The following DST variants were observed in gnomAD, a reference collection of about 807,000 sequenced individuals.
DST encodes bullous pemphigoid antigen.
Under a neutral mutation model 875.2 loss-of-function variants are expected in DST, and 253 were observed. The observed-to-expected ratio is 0.29, with a 90% CI of 0.26 to 0.32. The LOEUF is 0.32. Among genes scored for constraint, DST ranks in the 10% least tolerant of loss-of-function variants. The probability of loss-of-function intolerance (pLI) is 1.00; values close to 1 mark genes in which losing one functional copy is unlikely to be tolerated. For synonymous variants in DST, 3,124 were observed against 3,197.1 expected (o/e 0.98, Z 0.77); for missense variants, 8,287 against 9,111.6 (o/e 0.91, Z 3.68).
Position 56,605,165 on chromosome 6 carries a change from A to G in DST, c.9463T>C (p.Ser3155Pro). ...TTCCCTTCCCACGATGTAATGTCTG[A>G]AGTAATGTCATCACTAATCTCTTTG... ...VSKEISDDIT[S>P]DITSWEGNTH... The change falls in exon 40 of 104, where the codon TCA becomes CCA. Residue 3155 changes from serine (S) to proline (P), a missense_variant. Physicochemically the swap from Ser to Pro is moderately conservative, Grantham distance 74. This residue lies in a region of DST where 3,138 missense variants were observed against 3,116.6 expected (regional missense o/e 1.01). Coordinates refer to ENST00000680361, the MANE Select transcript of DST (RefSeq NM_001374736.1). The G allele has an allele frequency of 6.2e-7, 1 of 1,612,288 alleles. No homozygotes were observed. Among genetic ancestry groups the G allele is most frequent in the South Asian group, 1.1e-5 (1 of 90,984 alleles).
chr6:56,937,282 G>C (rs1813501186), intron 2 of DST, among the ~76,000 whole-genome samples: 1 of 151,846 alleles, frequency 6.6e-6, no homozygotes, highest in Non-Finnish European at 1.5e-5. Flanking sequence ...ATCTATTAAA[G>C]AATTTGTATC....
At chr6:56,843,248 A>G (rs2099802632) in intron 4 of DST, 1 of 1,301,764 alleles carries the variant, frequency 7.7e-7, no homozygotes, top group Middle Eastern at 2.0e-4. Flanking sequence ...ACTGGAAAAG[A>G]GGAAGGAGCA....
intron 98 of DST, 57 bp downstream of exon 98, chr6:56,468,925 A>T: frequency 7.0e-7 from 1 of 1,427,450 alleles, no homozygotes; most frequent in Non-Finnish European, 9.6e-7. Context: ...AATGACTATG[A>T]ATTAAAGTTA....
rs570031091 is a variant in DST, at chr6:56,664,525, T to C, written c.1214+6116A>G. Among the ~76,000 whole-genome samples the C allele has an allele frequency of 9.8e-5, 15 of 152,298 alleles. No homozygotes were observed. The South Asian group carries it at 2.9e-3, about 30-fold the overall frequency. Reference sequence around the variant, plus strand: ...ACCCTAACTCTTGGTGACTTATTAATCCACTAGTGTTTAAAGGATACTCCT... The same window carrying C: ...ACCCTAACTCTTGGTGACTTATTAACCCACTAGTGTTTAAAGGATACTCCT... On this transcript the variant is annotated intron_variant, in intron 10 of 103. Transcript: ENST00000680361.
In DST at chr6:56,517,316, C is replaced by T. The variant is rs2096613681; in HGVS notation, c.18250-11G>A. 2 of 1,603,244 alleles carry T rather than the reference C, an allele frequency of 1.2e-6. No homozygotes were observed. The highest frequency in any genetic ancestry group is 2.2e-5 in the East Asian group (1 of 44,786). On this transcript the variant is annotated splice_polypyrimidine_tract_variant and intron_variant, in intron 70 of 103. Transcript: ENST00000680361. ...CTCCATGGTGAATGTCTGTGATTTA[C>T]CAAAATAAAGACAAAAAATAAAACA...
At chr6:56,778,065 G>C (rs1348612975) in intron 4 of DST, among the ~76,000 whole-genome samples, 1 of 152,108 alleles carries the variant, frequency 6.6e-6, no homozygotes, top group Non-Finnish European at 1.5e-5. Context: ...ATATTCCTTG[G>C]TTCAGTTATT....
intron 4 of DST, among the ~76,000 whole-genome samples, chr6:56,798,741 T>C (rs1481797232): frequency 6.6e-6 from 1 of 152,166 alleles, no homozygotes; most frequent in Non-Finnish European, 1.5e-5. Flanking sequence ...ATTGAAAATA[T>C]TCTGGAAAAA....
intron 9 of DST, among the ~76,000 whole-genome samples, chr6:56,674,000 T>TA (rs772716419): frequency 5.9e-5 from 9 of 152,168 alleles, no homozygotes; most frequent in Non-Finnish European, 8.8e-5. Flanking sequence ...AAAATTAAAA[T>TA]AAAAAATAAG....
chr6:56,825,807 A>T (rs1309402741), intron 4 of DST, among the ~76,000 whole-genome samples: 1 of 152,226 alleles, frequency 6.6e-6, no homozygotes, highest in African/African-American at 2.4e-5. Flanking sequence ...CACCAGGTAA[A>T]GGGTTTAAGA....
At chr6:56,688,086 T>C (rs1489829482) in intron 9 of DST, among the ~76,000 whole-genome samples, 3 of 152,216 alleles carry the variant, frequency 2.0e-5, no homozygotes, top group African/African-American at 7.2e-5. Flanking sequence ...GGCATCATGA[T>C]GATAGGGACC....
In DST at chr6:56,607,546, T is replaced by G. The variant is rs1563149605; in HGVS notation, c.7082A>C (p.Asp2361Ala). 6.2e-7 allele frequency: 1 copy of G among 1,608,318 alleles called. No individual in the cohort carries two copies. Residue 2361 changes from aspartate to alanine, a missense_variant, in exon 40 of 104, where the codon GAC (aspartate) becomes GCC (alanine). Asp to Ala is a moderately radical substitution (Grantham distance 126). Around this residue, in one of 10 missense-constraint regions of DST, gnomAD observed 3,138 missense variants for 3,116.6 expected, o/e 1.01. Transcript: ENST00000680361. ...ELADISMLRS[D>A]SENILTNYEN... ...ATAGTTTGTAAGTATGTTTTCAGAG[T>G]CACTTCTAAGCATGCTAATGTCTGC...
At chr6:56,585,875 G>A (rs1279903577) in intron 49 of DST, among the ~76,000 whole-genome samples, 1 of 152,146 alleles carries the variant, frequency 6.6e-6, no homozygotes, top group East Asian at 1.9e-4. Flanking sequence ...TCAGGAGCAG[G>A]TTGTTCAGTT....
rs548964087 is a variant in DST at position 56,606,705 on chromosome 6, G to A, written c.7923C>T (p.Tyr2641=). Residue 2641 remains tyrosine, a synonymous_variant, in exon 40 of 104, where the codon TAC becomes TAT. Transcript: ENST00000680361. ...CATCATTTTCCTCTTGCAGTGTGTCGTAGTCCTCAGGGTGCAGGCAATCAC... is the reference window on the plus strand; with the variant it reads ...CATCATTTTCCTCTTGCAGTGTGTCATAGTCCTCAGGGTGCAGGCAATCAC... ...DDRDCLHPED[Y]DTLQEENDET... is the part of the protein sequence containing the mutation. 2.4e-5 allele frequency: 39 copies of A among 1,613,502 alleles called. No individual in the cohort carries two copies. The highest frequency in any genetic ancestry group is 1.8e-4 in the South Asian group (16 of 91,074).
At chr6:56,703,005 T>G (rs887976144) in intron 7 of DST, among the ~76,000 whole-genome samples, 3 of 151,736 alleles carry the variant, frequency 2.0e-5, no homozygotes, top group African/African-American at 7.3e-5. Flanking sequence ...CAAGGGGCAC[T>G]AGGTATGTAG....
intron 55 of DST, among the ~76,000 whole-genome samples, chr6:56,564,393 G>A (rs1385296965): frequency 6.6e-6 from 1 of 152,162 alleles, no homozygotes; most frequent in Non-Finnish European, 1.5e-5. Flanking sequence ...TTGTGTACAG[G>A]AATGCTTGTG....
At chr6:56,710,641 G>T (rs2099359593) in intron 5 of DST, among the ~76,000 whole-genome samples, 1 of 152,078 alleles carries the variant, frequency 6.6e-6, no homozygotes, top group Non-Finnish European at 1.5e-5. Context: ...TTATTGATAA[G>T]AAAATTAATG....
At chr6:56,621,534 T>C (rs2098690743) in intron 36 of DST, among the ~76,000 whole-genome samples, 1 of 152,156 alleles carries the variant, frequency 6.6e-6, no homozygotes, top group Admixed American at 6.6e-5. Context: ...TCCATAAATA[T>C]AAAGATATTT....
chr6:56,541,241 T>G (rs1456689057), intron 61 of DST: 1 of 152,656 alleles, frequency 6.6e-6, no homozygotes, highest in African/African-American at 2.4e-5. Context: ...ACTATTTAGT[T>G]TGAGTGCATC....
chr6:56,633,195 GT>G (rs199805475), intron 27 of DST, among the ~76,000 whole-genome samples, 158 bp from the exon 28 acceptor site: 1 of 149,296 alleles, frequency 6.7e-6, no homozygotes, highest in African/African-American at 2.5e-5. Context: ...ATTTTAGGTG[GT>G]TTTTTTTTGT....
Sources: gnomAD v4.1 joint callset for allele counts (sites outside exome capture counted in the v4.1 genomes callset) on GRCh38, gnomAD v4.1.1 for gene constraint, gnomAD v4.1.1 regional missense constraint, MANE v1.5 for transcripts, NCBI Gene and HGNC (gene_info 2026-07-23, HGNC 2026-07-21) for gene names.